The following ZNF385D variants were observed in gnomAD, a reference collection of about 807,000 sequenced individuals.
ZNF385D encodes zinc finger protein 385D.
Under a neutral mutation model 35.8 loss-of-function variants are expected in ZNF385D, and 15 were observed. The observed-to-expected ratio is 0.42, with a 90% confidence interval of 0.28 to 0.64. ZNF385D has a LOEUF of 0.64. Ranked by LOEUF, ZNF385D falls within the 30% of genes least tolerant of loss-of-function variation. ZNF385D has a pLI of 0.23. For missense variants in ZNF385D, 474 were observed against 494.6 expected (o/e 0.96, Z 0.39); for synonymous variants, 212 against 186.8 (o/e 1.13, Z -1.10).
chr3:22,019,525 G>A (rs1298113220), intron 3 of ZNF385D, among the ~76,000 whole-genome samples: 6 of 151,818 alleles, frequency 4.0e-5, no homozygotes. Flanking sequence ...CTATATGCAT[G>A]AAAAATATAA....
At chr3:21,780,702 G>C (rs1428547109) in intron 3 of ZNF385D, among the ~76,000 whole-genome samples, 2 of 151,848 alleles carry the variant, frequency 1.3e-5, no homozygotes, top group Non-Finnish European at 2.9e-5. Flanking sequence ...ATTCTAATAG[G>C]GTAACCCACA....
At chr3:22,317,715 T>C (rs1340279262) in intron 2 of ZNF385D, among the ~76,000 whole-genome samples, 1 of 152,200 alleles carries the variant, frequency 6.6e-6, no homozygotes, top group East Asian at 1.9e-4. Flanking sequence ...CATCAGTCTG[T>C]AATTTTCCCC....
chr3:21,817,912 A>C (rs943632712), intron 3 of ZNF385D, among the ~76,000 whole-genome samples: 2 of 152,210 alleles, frequency 1.3e-5, no homozygotes, highest in Non-Finnish European at 2.9e-5. Flanking sequence ...ACAATAGCAA[A>C]GACTTGGAAC....
chr3:22,152,589 G>C (rs1402985931), intron 3 of ZNF385D, among the ~76,000 whole-genome samples: 2 of 152,068 alleles, frequency 1.3e-5, no homozygotes, highest in Non-Finnish European at 2.9e-5. Context: ...CATCTCCTAA[G>C]TGCGTCGTCA....
intron 5 of ZNF385D, 107 bp downstream of exon 5, chr3:21,436,863 T>C (rs2125233008): frequency 9.9e-7 from 1 of 1,005,522 alleles, no homozygotes; most frequent in South Asian, 1.6e-5. Flanking sequence ...ATGTAATAAT[T>C]GCCAGTTTTC....
intron 1 of ZNF385D, among the ~76,000 whole-genome samples, chr3:21,736,937 C>T (rs951057951): frequency 1.3e-5 from 2 of 152,062 alleles, no homozygotes; most frequent in Non-Finnish European, 2.9e-5. Context: ...CCAGCAATCC[C>T]ATTTCTTTTT....
intron 2 of ZNF385D, among the ~76,000 whole-genome samples, chr3:21,601,093 TTTTA>T (rs2064275905): frequency 6.6e-6 from 1 of 152,154 alleles, no homozygotes; most frequent in African/African-American, 2.4e-5. Flanking sequence ...TCAAGGAGGT[TTTTA>T]TTTTTCACTA....
intron 3 of ZNF385D, among the ~76,000 whole-genome samples, chr3:22,130,781 G>T (rs1341101282): frequency 6.6e-6 from 1 of 152,102 alleles, no homozygotes; most frequent in African/African-American, 2.4e-5. Context: ...TACCATGATT[G>T]CTCACCAGAT....
At chr3:21,665,153 T>C (rs774622543) in intron 1 of ZNF385D, 125 bp from the exon 2 acceptor site, 273 of 1,273,022 alleles carry the variant, frequency 2.1e-4, no homozygotes, top group Non-Finnish European at 2.7e-4. Flanking sequence ...ATGGACTCTA[T>C]TGACCTCAAC....
chr3:22,139,199 C>G (rs984939185), intron 3 of ZNF385D, among the ~76,000 whole-genome samples: 1 of 152,076 alleles, frequency 6.6e-6, no homozygotes, highest in Non-Finnish European at 1.5e-5. Context: ...TTGTGGAAGT[C>G]GGTGTGGCGA....
At chr3:22,143,585 GAT>G (rs544338565) in intron 3 of ZNF385D, among the ~76,000 whole-genome samples, 89 of 151,730 alleles carry the variant, frequency 5.9e-4, no homozygotes, top group Non-Finnish European at 1.0e-3. Context: ...GAGATAACAC[GAT>G]ATATATTTTT....
intron 5 of ZNF385D, among the ~76,000 whole-genome samples, chr3:21,433,135 G>T (rs1320164678): frequency 6.6e-6 from 1 of 152,004 alleles, no homozygotes; most frequent in Admixed American, 6.6e-5. Context: ...CATATCTGGG[G>T]GCAAAATTTA....
At chr3:21,785,026 C>T (rs2071631125) in intron 3 of ZNF385D, among the ~76,000 whole-genome samples, 1 of 152,108 alleles carries the variant, frequency 6.6e-6, no homozygotes. Flanking sequence ...CCTAGTTTAG[C>T]TCTAACATAG....
At chr3:21,758,607 AC>A (rs1245786177) in intron 3 of ZNF385D, among the ~76,000 whole-genome samples, 15 of 151,750 alleles carry the variant, frequency 9.9e-5, no homozygotes, top group Admixed American at 9.9e-4. Flanking sequence ...AATTAATGAG[AC>A]CCCTAGCTAC....
intron 3 of ZNF385D, among the ~76,000 whole-genome samples, chr3:22,057,174 A>G (rs191635676): frequency 5.9e-5 from 9 of 152,372 alleles, no homozygotes; most frequent in African/African-American, 2.2e-4. Flanking sequence ...TTTAAAGTCT[A>G]GCTAATCTAC....
chr3:22,067,736 A>G (rs1346204385), intron 3 of ZNF385D, among the ~76,000 whole-genome samples: 2 of 152,214 alleles, frequency 1.3e-5, no homozygotes, highest in African/African-American at 4.8e-5. Context: ...AAATACAAAA[A>G]TATCTGGCTG....
intron 3 of ZNF385D, among the ~76,000 whole-genome samples, chr3:21,988,196 G>C: frequency 7.7e-6 from 1 of 129,772 alleles, no homozygotes. Flanking sequence ...ATCCAGCTTT[G>C]TTCCGTTGCT....
At chr3:22,094,860 T>C (rs577517555) in intron 3 of ZNF385D, among the ~76,000 whole-genome samples, 1 of 152,084 alleles carries the variant, frequency 6.6e-6, no homozygotes, top group Admixed American at 6.6e-5. Flanking sequence ...AGGCACAGCC[T>C]CATGGTTGCC....
At chr3:21,947,803 G>A (rs1008141835) in intron 3 of ZNF385D, among the ~76,000 whole-genome samples, 43 of 152,098 alleles carry the variant, frequency 2.8e-4, no homozygotes, top group African/African-American at 1.0e-3. Context: ...AATCATTGGT[G>A]TTATGCTTAG....
Sources: allele counts gnomAD v4.1 joint callset (sites outside exome capture counted in the v4.1 genomes callset), GRCh38; gene constraint gnomAD v4.1.1; transcripts MANE v1.5; gene names NCBI Gene and HGNC (gene_info 2026-07-23, HGNC 2026-07-21).